LAMA2: variants seen among roughly 807,000 people sequenced by gnomAD.
LAMA2 encodes laminin subunit alpha 2, also known as laminin subunit alpha-2.
LAMA2 carries 269 observed loss-of-function variants against 364.8 expected under a neutral mutation model. The observed-to-expected ratio is 0.74, with a 90% CI of 0.67 to 0.82. The LOEUF (loss-of-function observed/expected upper bound fraction) is 0.82, where lower values mean the gene tolerates loss of function less well. Ranked by LOEUF, LAMA2 falls within the 40% of genes least tolerant of loss-of-function variation. The probability of loss-of-function intolerance (pLI) is 0.00; values close to 1 mark genes in which losing one functional copy is unlikely to be tolerated. For missense variants in LAMA2, 3,807 were observed against 3,873.2 expected, an observed-to-expected ratio of 0.98 and a Z score of 0.45; for synonymous variants, 1,379 against 1,370.6, an observed-to-expected ratio of 1.01 and a Z score of -0.14.
chr6:129,059,885 G>C lies in LAMA2; in HGVS notation c.385G>C (p.Asp129His). ...ATACCATTATGTGACAATTACCCTG[G>C]ATTTACAGCAGGTATAGTTCCTCTT... is the stretch of plus-strand genomic sequence containing the variant. ...IEYHYVTITL[D>H]LQQVFQIAYV... Residue 129 changes from aspartate (D) to histidine (H), a missense_variant, in exon 3 of 65, where the codon GAT becomes CAT. Coordinates refer to ENST00000421865, the MANE Select transcript of LAMA2 (RefSeq NM_000426.4). 1 of 1,521,514 alleles carries C rather than the reference G, an allele frequency of 6.6e-7. No homozygotes were observed. 94.3% of individuals were successfully genotyped at this position (1,521,514 alleles called of 1,614,324 possible). A position where few individuals can be genotyped will look rare whatever the true frequency, so the allele number is the denominator to read the frequency against.
chr6:128,940,586 A>AT (rs1780090681), intron 1 of LAMA2, among the ~76,000 whole-genome samples: 1 of 152,172 alleles, frequency 6.6e-6, no homozygotes, highest in South Asian at 2.1e-4. Context: ...TGTGGTAAAT[A>AT]TTTTGTTTAC....
At chr6:129,068,123 T>G (rs945730983) in intron 3 of LAMA2, among the ~76,000 whole-genome samples, 1 of 152,190 alleles carries the variant, frequency 6.6e-6, no homozygotes, top group African/African-American at 2.4e-5. Flanking sequence ...ATTCAATGTG[T>G]TTGTATTAAG....
intron 9 of LAMA2, among the ~76,000 whole-genome samples, chr6:129,171,021 T>G (rs920463151): frequency 9.2e-5 from 14 of 151,898 alleles, no homozygotes; most frequent in African/African-American, 2.4e-4. Flanking sequence ...GTTTTCCATT[T>G]GCTTGGTAGA....
chr6:129,332,371 A>G (rs1775706517), intron 29 of LAMA2, among the ~76,000 whole-genome samples: 2 of 152,112 alleles, frequency 1.3e-5, no homozygotes, highest in Non-Finnish European at 2.9e-5. Context: ...TTTAGCTCTT[A>G]TTACAATGTT....
At chr6:129,142,341 G>C (rs1180800876) in intron 4 of LAMA2, among the ~76,000 whole-genome samples, 2 of 151,952 alleles carry the variant, frequency 1.3e-5, no homozygotes, top group South Asian at 4.1e-4. Flanking sequence ...CTGTTTCGGG[G>C]CTTGCAGACT....
chr6:129,235,679 T>A (rs761736937), intron 12 of LAMA2, among the ~76,000 whole-genome samples: 8 of 152,204 alleles, frequency 5.3e-5, no homozygotes, highest in Admixed American at 2.0e-4. Context: ...TTCTAAAGGG[T>A]ACCTATAGTT....
At chr6:129,398,037 G>T (rs1779758436) in intron 37 of LAMA2, among the ~76,000 whole-genome samples, 2 of 151,156 alleles carry the variant, frequency 1.3e-5, no homozygotes, top group African/African-American at 4.9e-5. Flanking sequence ...TTTTACAAAA[G>T]ATTCTAACTC....
chr6:128,909,818 T>G (rs1291397865), intron 1 of LAMA2, among the ~76,000 whole-genome samples: 16 of 152,172 alleles, frequency 1.1e-4, no homozygotes, highest in Non-Finnish European at 1.5e-4. Flanking sequence ...AGGAGCTCTT[T>G]TAGGGCAGGC....
intron 22 of LAMA2, among the ~76,000 whole-genome samples, chr6:129,305,646 AGAGT>A (rs1402073907): frequency 6.6e-6 from 1 of 152,028 alleles, no homozygotes; most frequent in Non-Finnish European, 1.5e-5. Flanking sequence ...ACAGAGAGAG[AGAGT>A]GTGTGTGTGT....
intron 60 of LAMA2, among the ~76,000 whole-genome samples, chr6:129,503,818 T>A (rs927701352): frequency 2.0e-5 from 3 of 152,178 alleles, no homozygotes; most frequent in African/African-American, 7.2e-5. Context: ...GTTGATCGTG[T>A]TTAAAGGGCT....
In LAMA2 at chr6:129,330,558, G is replaced by T. The variant is rs2501465; in HGVS notation, c.4311+2146G>T. The stretch of plus-strand genomic sequence containing the variant: ...ACTTTCAGTTTCTTGTGCCTCTCTG[G>T]TCTCCATTTGAAGCGTTTTTTTGTT... On this transcript the variant is annotated intron_variant, in intron 29 of 64. Transcript: ENST00000421865. Among the ~76,000 whole-genome samples the T allele has an allele frequency of 3.0e-3, 441 of 145,626 alleles. 1 individual carries two copies. The highest frequency in any genetic ancestry group is 0.01 in the African/African-American group (410 of 39,268).
At chr6:129,104,332 G>A (rs1775700274) in intron 4 of LAMA2, among the ~76,000 whole-genome samples, 1 of 152,138 alleles carries the variant, frequency 6.6e-6, no homozygotes, top group African/African-American at 2.4e-5. Flanking sequence ...GCCCACCCAT[G>A]TAACAAGGCA....
At chr6:129,331,457 G>A (rs1775646373) in intron 29 of LAMA2, among the ~76,000 whole-genome samples, 1 of 152,022 alleles carries the variant, frequency 6.6e-6, no homozygotes, top group South Asian at 2.1e-4. Context: ...TGTCAGAAGA[G>A]AGGTAACAAG....
In LAMA2 at chr6:129,354,566, C is replaced by A. The variant is rs565602452; in HGVS notation, c.4717+1209C>A. 4.6e-5 allele frequency among the ~76,000 whole-genome samples: 7 copies of A among 152,112 alleles called. No individual in the cohort carries two copies. In the South Asian group the frequency reaches 1.5e-3, roughly 32 times the overall value. ...GCTTTCAAGTCAAATAAATTATTAA[C>A]ATGCACATAATTAACTAGATAATAT... On this transcript the variant is annotated intron_variant, in intron 32 of 64. Coordinates refer to ENST00000421865, the MANE Select transcript of LAMA2 (RefSeq NM_000426.4).
At chr6:129,397,347 G>A (rs957584025) in intron 37 of LAMA2, among the ~76,000 whole-genome samples, 1 of 151,776 alleles carries the variant, frequency 6.6e-6, no homozygotes, top group African/African-American at 2.4e-5. Context: ...GCCTCTCTTT[G>A]TTTTTATTGT....
At chr6:129,348,253 A>G (rs892008054) in intron 30 of LAMA2, among the ~76,000 whole-genome samples, 1 of 152,228 alleles carries the variant, frequency 6.6e-6, no homozygotes, top group African/African-American at 2.4e-5. Flanking sequence ...TCATTCATGT[A>G]CTATTGATGT....
In LAMA2 at chr6:129,502,588, T is replaced by G. The variant is rs1785732935; in HGVS notation, c.8245-71T>G. On this transcript the variant is annotated intron_variant, in intron 58 of 64. Coordinates refer to ENST00000421865, the MANE Select transcript of LAMA2 (RefSeq NM_000426.4). ...AATTACGCTAATATGTAAGAAACAA[T>G]TAGACAGCATCATTACCTTTTTAAA... 4 of 944,128 alleles carry G rather than the reference T, an allele frequency of 4.2e-6. No homozygotes were observed. In the South Asian group the frequency reaches 5.2e-5, roughly 12 times the overall value. The allele number at this position is 944,128 out of a possible 1,614,324, so 58.5% of individuals were successfully genotyped here. A position where few individuals can be genotyped will look rare whatever the true frequency, so the allele number is the denominator to read the frequency against.
At chr6:129,222,631 T>C (rs1783940781) in intron 12 of LAMA2, among the ~76,000 whole-genome samples, 1 of 152,004 alleles carries the variant, frequency 6.6e-6, no homozygotes, top group Admixed American at 6.6e-5. Flanking sequence ...CTGAGAATGA[T>C]GGTTTCTAGC....
intron 1 of LAMA2, 41 bp downstream of exon 1, chr6:128,883,398 G>C: frequency 1.3e-6 from 2 of 1,553,236 alleles, no homozygotes; most frequent in Non-Finnish European, 1.7e-6. Flanking sequence ...CCTTTGCCGG[G>C]ACCGAGATTC....
Sources: gnomAD v4.1 joint callset for allele counts (sites outside exome capture counted in the v4.1 genomes callset) on GRCh38, gnomAD v4.1.1 for gene constraint, MANE v1.5 for transcripts, NCBI Gene and HGNC (gene_info 2026-07-23, HGNC 2026-07-21) for gene names.